Variants in ANKFN1 observed in about 807,000 individuals in gnomAD.
ANKFN1 encodes ankyrin repeat and fibronectin type III domain containing 1.
Under a neutral mutation model 108.7 loss-of-function variants are expected in ANKFN1, and 74 were observed. The ratio of observed to expected loss-of-function variants is 0.68; its 90% CI spans 0.56 to 0.83. The LOEUF (loss-of-function observed/expected upper bound fraction) is 0.83. Ranked by LOEUF, ANKFN1 falls within the 40% of genes least tolerant of loss-of-function variation. The probability of loss-of-function intolerance (pLI) is 0.00; values close to 1 mark genes in which losing one functional copy is unlikely to be tolerated. For synonymous variants in ANKFN1, 547 were observed against 516.2 expected, an observed-to-expected ratio of 1.06 and a Z score of -0.81; for missense variants, 1,505 against 1,382.3, an observed-to-expected ratio of 1.09 and a Z score of -1.41.
At chr17:56,334,948 A>G (rs2045764852) in intron 4 of ANKFN1, among the ~76,000 whole-genome samples, 1 of 152,182 alleles carries the variant, frequency 6.6e-6, no homozygotes, top group Non-Finnish European at 1.5e-5. Flanking sequence ...ACATATGGCT[A>G]GCCAGTTTTT....
chr17:56,456,737 T>A, intron 11 of ANKFN1, 124 bp from the exon 12 acceptor site: 3 of 769,466 alleles, frequency 3.9e-6, no homozygotes, highest in Non-Finnish European at 6.7e-6. Flanking sequence ...AATCCCTACA[T>A]GAACCTGAGG....
chr17:56,179,762 C>A (rs1911512595), intron 1 of ANKFN1, among the ~76,000 whole-genome samples: 1 of 152,150 alleles, frequency 6.6e-6, no homozygotes, highest in South Asian at 2.1e-4. Context: ...CTCTAAGGAA[C>A]CAATGAAATC....
intron 14 of ANKFN1, chr17:56,461,992 C>T (rs1399288827): frequency 2.0e-5 from 3 of 152,172 alleles, no homozygotes; most frequent in East Asian, 1.9e-4. Context: ...AATAAATGGT[C>T]ACCTTCACAG....
intron 4 of ANKFN1, among the ~76,000 whole-genome samples, chr17:56,068,165 C>T (rs1049886373): frequency 6.6e-6 from 1 of 152,136 alleles, no homozygotes; most frequent in African/African-American, 2.4e-5. Context: ...TTTACCCATT[C>T]ATCAGGACGT....
At chr17:56,479,192 AT>A (rs1884958463) in intron 16 of ANKFN1, among the ~76,000 whole-genome samples, 1 of 152,170 alleles carries the variant, frequency 6.6e-6, no homozygotes, top group South Asian at 2.1e-4. Context: ...TCCAGTTTTC[AT>A]TTGTACAAAA....
Position 56,448,223 on chromosome 17 carries a change from T to C in ANKFN1, c.1100-856T>C, listed in dbSNP as rs1319337399. Among the ~76,000 whole-genome samples the C allele has an allele frequency of 2.0e-5, 3 of 150,740 alleles. No individual in the cohort carries two copies. The East Asian group carries it at 5.8e-4, about 29-fold the overall frequency. On this transcript the variant is annotated intron_variant, in intron 10 of 20. Transcript: ENST00000682825. ...TGTTTTTTCCTCCAGAAAGGAAAAC[T>C]GGAGGAAAGAAAATAGAAGGAAGAA...
chr17:56,488,216 T>C (rs1046188416), intron 18 of ANKFN1, among the ~76,000 whole-genome samples: 1 of 152,100 alleles, frequency 6.6e-6, no homozygotes, highest in Non-Finnish European at 1.5e-5. Context: ...AGAGACTACC[T>C]CATGGGTCCA....
chr17:56,299,904 A>G (rs1265746240), intron 3 of ANKFN1, among the ~76,000 whole-genome samples: 1 of 152,186 alleles, frequency 6.6e-6, no homozygotes, highest in Non-Finnish European at 1.5e-5. Flanking sequence ...AGTTAAATTT[A>G]TACACACCCC....
At chr17:56,490,177 A>G (rs1247887128) in intron 18 of ANKFN1, among the ~76,000 whole-genome samples, 2 of 152,368 alleles carry the variant, frequency 1.3e-5, no homozygotes, top group Middle Eastern at 3.4e-3. Flanking sequence ...ATGCCAAGGC[A>G]GTAAAGTAAA....
chr17:56,186,784 G>A (rs1262277957), intron 1 of ANKFN1, among the ~76,000 whole-genome samples: 1 of 152,212 alleles, frequency 6.6e-6, no homozygotes, highest in African/African-American at 2.4e-5. Context: ...ACCTAAAGGT[G>A]TTGTTAAAAA....
chr17:56,151,892 C>T (rs1287733802), upstream of ANKFN1, among the ~76,000 whole-genome samples: 1 of 152,160 alleles, frequency 6.6e-6, no homozygotes, highest in Non-Finnish European at 1.5e-5. Context: ...GCAGCTGACA[C>T]TCAACAAAAC....
intron 4 of ANKFN1, among the ~76,000 whole-genome samples, chr17:56,132,939 A>G (rs531605723): frequency 6.6e-6 from 1 of 152,296 alleles, no homozygotes; most frequent in Admixed American, 6.5e-5. Flanking sequence ...GGGGAAACAA[A>G]CATTCAGACC....
At chr17:56,133,500 G>A (rs947028641) in intron 4 of ANKFN1, among the ~76,000 whole-genome samples, 4 of 151,338 alleles carry the variant, frequency 2.6e-5, no homozygotes, top group African/African-American at 9.7e-5. Flanking sequence ...TTTGTTCTCA[G>A]CTCTGATACC....
chr17:56,400,735 C>G (rs946109829), intron 8 of ANKFN1, among the ~76,000 whole-genome samples: 1 of 152,078 alleles, frequency 6.6e-6, no homozygotes, highest in East Asian at 1.9e-4. Flanking sequence ...AGGTTTAAGT[C>G]CTTAATCCAT....
chr17:56,223,646 G>A (rs1270080709), intron 2 of ANKFN1, among the ~76,000 whole-genome samples: 1 of 152,164 alleles, frequency 6.6e-6, no homozygotes, highest in African/African-American at 2.4e-5. Flanking sequence ...TAGAAGTCAT[G>A]AAAAACAATC....
chr17:56,410,620 T>C (rs1237495325), intron 8 of ANKFN1, among the ~76,000 whole-genome samples: 3 of 152,114 alleles, frequency 2.0e-5, no homozygotes, highest in Non-Finnish European at 4.4e-5. Flanking sequence ...GTGCAATAGA[T>C]CACTAAAATT....
chr17:56,213,394 G>A (rs1288824234), intron 2 of ANKFN1, among the ~76,000 whole-genome samples: 5 of 152,112 alleles, frequency 3.3e-5, no homozygotes, highest in Non-Finnish European at 7.4e-5. Flanking sequence ...CTGGATGCCT[G>A]GTTTTTCACA....
chr17:56,326,495 C>G, intron 4 of ANKFN1, 140 bp downstream of exon 4: 1 of 1,072,410 alleles, frequency 9.3e-7, no homozygotes, highest in Non-Finnish European at 1.3e-6. Flanking sequence ...TGCAGGTGGT[C>G]CATGAAGAAT....
At chr17:56,267,922 T>C (rs1484341599) in intron 3 of ANKFN1, among the ~76,000 whole-genome samples, 1 of 152,212 alleles carries the variant, frequency 6.6e-6, no homozygotes, top group East Asian at 1.9e-4. Flanking sequence ...TTTTCCTAAT[T>C]CTGTGAAAAA....
Sources: allele counts gnomAD v4.1 joint callset (sites outside exome capture counted in the v4.1 genomes callset), GRCh38; gene constraint gnomAD v4.1.1; transcripts MANE v1.5; gene names NCBI Gene and HGNC (gene_info 2026-07-23, HGNC 2026-07-21).